METTL15: variants seen among roughly 807,000 people sequenced by gnomAD.
The protein encoded by METTL15 is methyltransferase 15, mitochondrial 12S rRNA N4-cytidine.
Under a neutral mutation model 38.3 loss-of-function variants are expected in METTL15, and 34 were observed. The ratio of observed to expected loss-of-function variants is 0.89; its 90% CI spans 0.68 to 1.18. METTL15 has a LOEUF of 1.18. METTL15 is among the 50% of genes most tolerant of loss of function. METTL15 has a pLI of 0.00. For missense variants in METTL15, 438 were observed against 498.4 expected (o/e 0.88, Z 1.15); for synonymous variants, 162 against 170.9 (o/e 0.95, Z 0.41).
intron 4 of METTL15, among the ~76,000 whole-genome samples, chr11:28,255,512 CTTG>C (rs1854935875): frequency 6.6e-6 from 1 of 152,072 alleles, no homozygotes; most frequent in Non-Finnish European, 1.5e-5. Context: ...AGTAGTCATC[CTTG>C]TTGTGTTCCA....
intron 3 of METTL15, among the ~76,000 whole-genome samples, chr11:28,192,616 G>A (rs1851739349): frequency 1.3e-5 from 2 of 151,962 alleles, no homozygotes; most frequent in African/African-American, 2.4e-5. Context: ...TCTTCATTAA[G>A]TCTTAGAATT....
intron 6 of METTL15, among the ~76,000 whole-genome samples, chr11:28,297,494 C>G (rs1451764275): frequency 6.6e-6 from 1 of 152,088 alleles, no homozygotes; most frequent in Non-Finnish European, 1.5e-5. Context: ...TGAATGCTAA[C>G]TAAATCAGCC....
intron 6 of METTL15, among the ~76,000 whole-genome samples, chr11:28,502,030 G>A (rs2133491811): frequency 6.6e-6 from 1 of 151,810 alleles, no homozygotes; most frequent in African/African-American, 2.4e-5. Context: ...GAATCCAGGA[G>A]GCGGAGCTTG....
At chr11:28,136,402 C>G (rs1849515671) in intron 3 of METTL15, among the ~76,000 whole-genome samples, 1 of 152,084 alleles carries the variant, frequency 6.6e-6, no homozygotes, top group African/African-American at 2.4e-5. Flanking sequence ...CTTTGCTTCT[C>G]CTTTGCCTTC....
At chr11:28,439,400 A>C (rs1383889289) in intron 6 of METTL15, among the ~76,000 whole-genome samples, 1 of 152,204 alleles carries the variant, frequency 6.6e-6, no homozygotes, top group Non-Finnish European at 1.5e-5. Context: ...CAGAAATGAA[A>C]GGGTTACGCA....
intron 5 of METTL15, among the ~76,000 whole-genome samples, chr11:28,399,587 T>A (rs979990471): frequency 5.9e-5 from 9 of 152,060 alleles, no homozygotes; most frequent in African/African-American, 1.9e-4. Flanking sequence ...TAACCTCTAA[T>A]TCTACAGTAT....
At chr11:28,371,526 G>A (rs750665942) in intron 5 of METTL15, among the ~76,000 whole-genome samples, 4 of 151,742 alleles carry the variant, frequency 2.6e-5, no homozygotes, top group East Asian at 1.9e-4. Flanking sequence ...TTGTGGTTCC[G>A]TATACTTTTT....
rs1214749407 is a variant in METTL15, at chr11:28,253,696, A to G, written c.408-36510A>G. 6.9e-5 allele frequency among the ~76,000 whole-genome samples: 10 copies of G among 145,262 alleles called. No individual in the cohort carries two copies. The Admixed American group carries it at 7.4e-4, about 11-fold the overall frequency. ...TTCTACTCTATATCTACATGAGTTC[A>G]ATTGTTTTGATTTTTAGGTTCCACA... On this transcript the variant is annotated intron_variant, in intron 4 of 6. Transcript: ENST00000407364.
intron 4 of METTL15, among the ~76,000 whole-genome samples, chr11:28,245,059 C>T (rs1292722431): frequency 3.3e-5 from 5 of 152,198 alleles, no homozygotes; most frequent in Non-Finnish European, 5.9e-5. Context: ...TTCAGCTAGA[C>T]AGGCAATGTC....
intron 6 of METTL15, among the ~76,000 whole-genome samples, chr11:28,458,082 G>C (rs542530446): frequency 1.3e-5 from 2 of 152,242 alleles, no homozygotes; most frequent in South Asian, 4.2e-4. Flanking sequence ...AGGAGATGGG[G>C]TGACTTTCGA....
intron 4 of METTL15, among the ~76,000 whole-genome samples, chr11:28,218,827 T>C (rs924370198): frequency 6.6e-6 from 1 of 152,180 alleles, no homozygotes; most frequent in Non-Finnish European, 1.5e-5. Flanking sequence ...CATGTGGTTT[T>C]TGTCGTTGGT....
chr11:28,352,500 A>C (rs934479338), intron 4 of METTL15, among the ~76,000 whole-genome samples: 9 of 152,222 alleles, frequency 5.9e-5, no homozygotes, highest in Non-Finnish European at 1.2e-4. Flanking sequence ...TCATGTGTCC[A>C]GGAGGGAAAG....
intron 4 of METTL15, among the ~76,000 whole-genome samples, chr11:28,220,463 A>G (rs376852965): frequency 2.6e-5 from 4 of 152,054 alleles, no homozygotes; most frequent in African/African-American, 4.8e-5. Flanking sequence ...GTCTCTGCAC[A>G]TGAGATGGGT....
At chr11:28,350,042 G>T (rs1360305344) in intron 3 of METTL15, among the ~76,000 whole-genome samples, 1 of 152,124 alleles carries the variant, frequency 6.6e-6, no homozygotes, top group Non-Finnish European at 1.5e-5. Context: ...TATTAGACAG[G>T]CTATTAGATA....
chr11:28,158,675 C>G (rs1850345565), intron 3 of METTL15, among the ~76,000 whole-genome samples: 1 of 152,166 alleles, frequency 6.6e-6, no homozygotes, highest in South Asian at 2.1e-4. Flanking sequence ...AATGCCATAT[C>G]CAACGTCATG....
At chr11:28,150,108 G>A (rs1565125792) in intron 3 of METTL15, among the ~76,000 whole-genome samples, 1 of 151,872 alleles carries the variant, frequency 6.6e-6, no homozygotes, top group Non-Finnish European at 1.5e-5. Context: ...AGGTTTGAAA[G>A]GTTTAATCAG....
Position 28,220,698 on chromosome 11 carries a change from A to G in METTL15, c.407+9500A>G, listed in dbSNP as rs1398087502. Among the ~76,000 whole-genome samples the G allele has an allele frequency of 2.6e-5, 4 of 152,086 alleles. No homozygotes were observed. In the East Asian group the frequency reaches 7.7e-4, roughly 29 times the overall value. On this transcript the variant is annotated intron_variant, in intron 4 of 6. Transcript: ENST00000407364. ...TTGGCATGTTTTTGCAGTGGCTGGTACCGGTTGTTCGTTTCCATGTTTAGT... is the reference window on the plus strand; with the variant it reads ...TTGGCATGTTTTTGCAGTGGCTGGTGCCGGTTGTTCGTTTCCATGTTTAGT...
intron 5 of METTL15, among the ~76,000 whole-genome samples, chr11:28,292,604 T>C (rs922676355): frequency 6.6e-6 from 1 of 152,172 alleles, no homozygotes; most frequent in Non-Finnish European, 1.5e-5. Flanking sequence ...AAATGGTATT[T>C]GTAGTTCTAG....
intron 3 of METTL15, among the ~76,000 whole-genome samples, chr11:28,179,434 C>G (rs144040433): frequency 7.6e-4 from 115 of 151,800 alleles, no homozygotes; most frequent in East Asian, 2.3e-3. Context: ...TATGTAACAT[C>G]TCTCACTCAG....
Sources: gnomAD v4.1 joint callset for allele counts (sites outside exome capture counted in the v4.1 genomes callset) on GRCh38, gnomAD v4.1.1 for gene constraint, MANE v1.5 for transcripts, NCBI Gene and HGNC (gene_info 2026-07-23, HGNC 2026-07-21) for gene names.